The following IL1RAPL2 variants were observed in gnomAD, a reference collection of about 807,000 sequenced individuals.
IL1RAPL2 encodes X-linked interleukin-1 receptor accessory protein-like 2.
Under a neutral mutation model 44.1 loss-of-function variants are expected in IL1RAPL2, and 3 were observed. The observed-to-expected ratio is 0.07, with a 90% CI of 0.03 to 0.18. IL1RAPL2 has a LOEUF of 0.18. IL1RAPL2 is among the 10% of genes least tolerant of loss of function. The probability of loss-of-function intolerance (pLI) is 1.00; values close to 1 mark genes in which losing one functional copy is unlikely to be tolerated. For synonymous variants in IL1RAPL2, 181 were observed against 178.8 expected, an observed-to-expected ratio of 1.01 and a Z score of -0.10; for missense variants, 391 against 496.4, an observed-to-expected ratio of 0.79 and a Z score of 2.02.
chrX:104,950,116 C>G (rs1038462733), intron 2 of IL1RAPL2, among the ~76,000 whole-genome samples: 6 of 111,357 alleles, frequency 5.4e-5, no homozygotes, highest in Non-Finnish European at 1.1e-4. Flanking sequence ...GTATTGGGTG[C>G]GTATATATTT....
chrX:105,386,556 A>G (rs891235675), intron 5 of IL1RAPL2, among the ~76,000 whole-genome samples: 7 of 112,082 alleles, frequency 6.2e-5, no homozygotes, highest in African/African-American at 2.3e-4. Context: ...TGGCACTTAA[A>G]TAATGCAATA....
chrX:104,957,363 C>T (rs1452477122), intron 2 of IL1RAPL2, among the ~76,000 whole-genome samples: 1 of 111,893 alleles, frequency 8.9e-6, no homozygotes, highest in Non-Finnish European at 1.9e-5. Context: ...GAGTTGCCCT[C>T]TTGTCTTTGG....
chrX:105,216,997 A>C, intron 3 of IL1RAPL2, among the ~76,000 whole-genome samples: 1 of 109,520 alleles, frequency 9.1e-6, no homozygotes, highest in Non-Finnish European at 1.9e-5. Flanking sequence ...AACCATAAAA[A>C]CCCTAGAAGA....
chrX:104,670,534 T>A (rs1930574131), intron 2 of IL1RAPL2, among the ~76,000 whole-genome samples: 1 of 111,081 alleles, frequency 9.0e-6, no homozygotes, highest in South Asian at 3.8e-4. Flanking sequence ...CTGGCGTCCT[T>A]CAATCCAACA....
intron 5 of IL1RAPL2, among the ~76,000 whole-genome samples, chrX:105,294,563 T>C (rs7050813): frequency 0.037 from 4,112 of 112,187 alleles, 205 homozygotes; most frequent in African/African-American, 0.13. Context: ...CCTTTGTCTC[T>C]GGTTGACCTG....
At chrX:104,892,166 G>C (rs1449058539) in intron 2 of IL1RAPL2, among the ~76,000 whole-genome samples, 1 of 111,483 alleles carries the variant, frequency 9.0e-6, no homozygotes, top group Non-Finnish European at 1.9e-5. Flanking sequence ...TGGTGGATAA[G>C]CTTTTTGATG....
At chrX:104,920,533 TCC>T in intron 2 of IL1RAPL2, among the ~76,000 whole-genome samples, 1 of 98,876 alleles carries the variant, frequency 1.0e-5, no homozygotes, top group East Asian at 3.5e-4. Flanking sequence ...TCCCCTCCCC[TCC>T]CCTCTCTTGC....
intron 2 of IL1RAPL2, among the ~76,000 whole-genome samples, chrX:104,771,867 A>T (rs1173649219): frequency 8.9e-6 from 1 of 111,863 alleles, no homozygotes; most frequent in African/African-American, 3.3e-5. Flanking sequence ...TCAGAAAAAA[A>T]CTTTTGAGTG....
In IL1RAPL2 at chrX:104,772,780, G is replaced by A. The variant is rs1269510482; in HGVS notation, c.82+113785G>A. ...TTTAAGCCAAGTTCATTCCACTTGT[G>A]TTATTGGGTAAGTTAATAGATCATT... On this transcript the variant is annotated intron_variant, in intron 2 of 10. Coordinates refer to ENST00000372582, the MANE Select transcript of IL1RAPL2 (RefSeq NM_017416.2). Among the ~76,000 whole-genome samples the A allele has an allele frequency of 3.6e-5, 4 of 112,419 alleles. No homozygotes were observed. In the Admixed American group the frequency reaches 3.8e-4, roughly 11 times the overall value.
At chrX:105,301,177 T>A (rs1407543047) in intron 5 of IL1RAPL2, among the ~76,000 whole-genome samples, 1 of 111,886 alleles carries the variant, frequency 8.9e-6, no homozygotes, top group African/African-American at 3.2e-5. Context: ...AAAATAAGTT[T>A]GAGTCTTATT....
chrX:104,936,013 T>C (rs1373752163), intron 2 of IL1RAPL2, among the ~76,000 whole-genome samples: 1 of 112,219 alleles, frequency 8.9e-6, no homozygotes, highest in Non-Finnish European at 1.9e-5. Flanking sequence ...ATGAGCTGCC[T>C]TAACCTCTGT....
At position 104,893,834 on chromosome X, in the gene IL1RAPL2, G is replaced by T. The variant is rs750379603; in HGVS notation, c.82+234839G>T. The stretch of plus-strand genomic sequence containing the variant: ...GTGAATTTGATCCTGTCATTATGAT[G>T]TTAGCTGGTTATTTTGCTCATTAAT... On this transcript the variant is annotated intron_variant, in intron 2 of 10. Coordinates refer to ENST00000372582, the MANE Select transcript of IL1RAPL2 (RefSeq NM_017416.2). Among the ~76,000 whole-genome samples, 158 of 111,707 alleles carry T rather than the reference G, an allele frequency of 1.4e-3. 1 individual carries two copies. The highest frequency in any genetic ancestry group is 4.8e-3 in the African/African-American group (146 of 30,732).
intron 2 of IL1RAPL2, among the ~76,000 whole-genome samples, chrX:104,927,490 A>T (rs1278685928): frequency 8.9e-6 from 1 of 111,780 alleles, no homozygotes; most frequent in Non-Finnish European, 1.9e-5. Context: ...TTGTTGAATT[A>T]ATGTTGAAGG....
intron 3 of IL1RAPL2, among the ~76,000 whole-genome samples, chrX:105,209,846 A>G (rs1257616166): frequency 4.5e-5 from 5 of 111,905 alleles, no homozygotes; most frequent in Non-Finnish European, 9.4e-5. Context: ...AAAAAAAGTT[A>G]TGAAAACAAT....
rs769373475 is a variant in IL1RAPL2 at position 104,716,328 on chromosome X, G to A, written c.82+57333G>A. ...GTAAAATCCAGAACTAAAAAACCTGGAAGACAAAATAGGTAATACCATTCA... is the reference window on the plus strand; with the variant it reads ...GTAAAATCCAGAACTAAAAAACCTGAAAGACAAAATAGGTAATACCATTCA... On this transcript the variant is annotated intron_variant, in intron 2 of 10. Transcript: ENST00000372582. Among the ~76,000 whole-genome samples, 6 of 111,221 alleles carry A rather than the reference G, an allele frequency of 5.4e-5. No homozygotes were observed. The East Asian group carries it at 1.7e-3, about 32-fold the overall frequency.
chrX:105,032,235 G>A (rs1327222999), intron 2 of IL1RAPL2, among the ~76,000 whole-genome samples: 1 of 108,774 alleles, frequency 9.2e-6, no homozygotes, highest in Non-Finnish European at 1.9e-5. Flanking sequence ...CTTCAGTTCT[G>A]CTCTGATTTT....
intron 2 of IL1RAPL2, among the ~76,000 whole-genome samples, chrX:104,983,338 C>CTA (rs745444231): frequency 0.056 from 5,418 of 96,565 alleles, 414 homozygotes; most frequent in African/African-American, 0.19. Context: ...ATAGAAAATG[C>CTA]TATATATATA....
At chrX:105,262,882 A>G (rs2034370477) in intron 4 of IL1RAPL2, among the ~76,000 whole-genome samples, 1 of 110,092 alleles carries the variant, frequency 9.1e-6, no homozygotes, top group Non-Finnish European at 1.9e-5. Flanking sequence ...CAGTTTCCCT[A>G]AAGATTTTTT....
chrX:104,698,503 T>C (rs1183015684), intron 2 of IL1RAPL2, among the ~76,000 whole-genome samples: 1 of 111,810 alleles, frequency 8.9e-6, no homozygotes, highest in Non-Finnish European at 1.9e-5. Flanking sequence ...AACTCAAAGT[T>C]TGTCACCAGG....
Sources: allele counts gnomAD v4.1 joint callset (sites outside exome capture counted in the v4.1 genomes callset), GRCh38; gene constraint gnomAD v4.1.1; transcripts MANE v1.5; gene names NCBI Gene and HGNC (gene_info 2026-07-23, HGNC 2026-07-21).